SLC35F5: variants seen among roughly 807,000 people sequenced by gnomAD.
SLC35F5 encodes solute carrier family 35 member F5, also known as HCV NS5A-transactivated protein 3.
A neutral mutation model predicts 68.6 loss-of-function variants in SLC35F5; 54 were observed. The observed-to-expected ratio is 0.79, with a 90% CI of 0.63 to 0.99. The LOEUF (loss-of-function observed/expected upper bound fraction) is 0.99, where lower values mean the gene tolerates loss of function less well. Among genes scored for constraint, SLC35F5 ranks in the 50% least tolerant of loss-of-function variants. The pLI, the probability that SLC35F5 is intolerant of heterozygous loss-of-function variation, is 0.00. For synonymous variants in SLC35F5, 211 were observed against 205.2 expected, an observed-to-expected ratio of 1.03 and a Z score of -0.24; for missense variants, 567 against 626.9, an observed-to-expected ratio of 0.90 and a Z score of 1.02.
At chr2:113,745,367 C>T (rs1676445955) in intron 5 of SLC35F5, among the ~76,000 whole-genome samples, 2 of 152,152 alleles carry the variant, frequency 1.3e-5, no homozygotes, top group Admixed American at 1.3e-4. Context: ...TGAATAAGGT[C>T]ACCAAGCCAG....
In SLC35F5 at chr2:113,742,795, G is replaced by C; in HGVS notation, c.647C>G (p.Ser216Cys). ...TTCTTTCACAGGATATGACATGCGA[G>C]ACAACTTTGCTTCCAATGCATGACT... is the stretch of plus-strand genomic sequence containing the variant. ...PSSHALEAKL[S>C]RMSYPVKEQE... The change falls in exon 7 of 16, where the codon TCT becomes TGT. Residue 216 changes from serine to cysteine, a missense_variant. By Grantham distance (112) the Ser-to-Cys change is moderately radical. Transcript: ENST00000245680. 2 of 1,614,110 alleles carry C rather than the reference G, an allele frequency of 1.2e-6. No individual in the cohort carries two copies. Among genetic ancestry groups the C allele is most frequent in the Non-Finnish European group, 1.7e-6 (2 of 1,180,004 alleles).
rs1676923909 is a variant in SLC35F5 at position 113,755,243 on chromosome 2, C to T, written c.195G>A (p.Gln65=). Residue 65 remains glutamine (Q), a synonymous_variant, in exon 3 of 16, where the codon CAG becomes CAA. Transcript: ENST00000245680. The stretch of plus-strand genomic sequence containing the variant: ...CAATCCCAAGAGCCATTCGCCTGCG[C>T]TGAGTGAAACCACTGTTCTGGGAAT... ...RMNSQNSGFT[Q]RRRMALGIVI... 6.2e-7 allele frequency: 1 copy of T among 1,614,032 alleles called. No homozygotes were observed. The highest frequency in any genetic ancestry group is 1.7e-5 in the Admixed American group (1 of 60,002).
chr2:113,730,847 G>T (rs1489714667), intron 10 of SLC35F5, among the ~76,000 whole-genome samples: 1 of 152,158 alleles, frequency 6.6e-6, no homozygotes, highest in African/African-American at 2.4e-5. Context: ...GGCAATATTC[G>T]TGGGTGAAGA....
intron 12 of SLC35F5, among the ~76,000 whole-genome samples, chr2:113,723,860 T>C (rs937710574): frequency 5.3e-5 from 8 of 152,296 alleles, no homozygotes; most frequent in African/African-American, 1.9e-4. Flanking sequence ...TTTTGTTGAA[T>C]TGAAAGAAAA....
intron 7 of SLC35F5, among the ~76,000 whole-genome samples, chr2:113,737,247 T>C (rs1688128446): frequency 6.6e-6 from 1 of 152,220 alleles, no homozygotes; most frequent in African/African-American, 2.4e-5. Flanking sequence ...GACACATGAT[T>C]GTAGAGCACT....
At position 113,756,156 on chromosome 2, in the gene SLC35F5, G is replaced by A. The variant is rs575856779; in HGVS notation, c.40+214C>T. The A allele has an allele frequency of 1.3e-5, 19 of 1,450,070 alleles. 1 individual carries two copies. In the Admixed American group the frequency reaches 3.5e-4, roughly 26 times the overall value. The allele number at this position is 1,450,070 out of a possible 1,614,324, so 89.8% of individuals were successfully genotyped here. The stretch of plus-strand genomic sequence containing the variant: ...GGCAGCGACGCCTCCCCGGGGAGCC[G>A]AGGCGAGGGCGCACGCACGGCTTCC... On this transcript the variant is annotated intron_variant, in intron 1 of 15. Coordinates refer to ENST00000245680, the MANE Select transcript of SLC35F5 (RefSeq NM_025181.5).
chr2:113,719,194 T>C lies in SLC35F5; in HGVS notation c.1456A>G (p.Arg486Gly). ...TTTCTGCATATAAAAGCAAATATTC[T>C]TCTGATTCCCACCATCACAGGATCC... ...NWDPVMVGIR[R>G]IFAFICRKHR... Residue 486 changes from arginine to glycine, a missense_variant, in exon 14 of 16, where the codon AGA becomes GGA. By Grantham distance (125) the Arg-to-Gly change is moderately radical. Transcript: ENST00000245680. 1.2e-6 allele frequency: 2 copies of C among 1,607,504 alleles called. No individual in the cohort carries two copies. Among genetic ancestry groups the C allele is most frequent in the South Asian group, 1.1e-5 (1 of 89,542 alleles).
At chr2:113,730,308 G>T (rs1374037595) in intron 10 of SLC35F5, among the ~76,000 whole-genome samples, 1 of 152,100 alleles carries the variant, frequency 6.6e-6, no homozygotes. Flanking sequence ...CTGCCAAGTG[G>T]TCATATTCAA....
chr2:113,755,580 G>C (rs765020368), intron 1 of SLC35F5, 36 bp from the exon 2 acceptor site: 1 of 1,557,910 alleles, frequency 6.4e-7, no homozygotes, highest in Non-Finnish European at 8.8e-7. Flanking sequence ...ATGAAAACGT[G>C]AATAACTCAA....
At chr2:113,706,021 A>G (rs570071030), downstream of SLC35F5, among the ~76,000 whole-genome samples, 1 of 152,326 alleles carries the variant, frequency 6.6e-6, no homozygotes, top group South Asian at 2.1e-4. Context: ...TGACATGGAT[A>G]AAGGTGATCT....
intron 4 of SLC35F5, 94 bp from the exon 5 acceptor site, chr2:113,746,433 C>T: frequency 1.1e-6 from 1 of 916,526 alleles, no homozygotes; most frequent in South Asian, 1.3e-5. Flanking sequence ...AGCAAAAATC[C>T]AGAATCAACC....
At chr2:113,754,191 G>A (rs867715193) in intron 3 of SLC35F5, among the ~76,000 whole-genome samples, 12 of 151,720 alleles carry the variant, frequency 7.9e-5, no homozygotes, top group Middle Eastern at 3.2e-3. Context: ...TCAGGGGGCC[G>A]GGGCAGGAGA....
At chr2:113,747,585 AT>A (rs1393521822) in intron 4 of SLC35F5, among the ~76,000 whole-genome samples, 1 of 152,218 alleles carries the variant, frequency 6.6e-6, no homozygotes, top group Non-Finnish European at 1.5e-5. Flanking sequence ...TTCCCAAAAA[AT>A]ATATGAAAAA....
chr2:113,752,780 C>T (rs1322621756), intron 3 of SLC35F5, among the ~76,000 whole-genome samples: 3 of 151,836 alleles, frequency 2.0e-5, no homozygotes, highest in Non-Finnish European at 2.9e-5. Context: ...TTGACACCAC[C>T]GGAGAAAACT....
intron 7 of SLC35F5, among the ~76,000 whole-genome samples, chr2:113,737,565 T>G (rs146262431): frequency 6.6e-6 from 1 of 152,346 alleles, no homozygotes; most frequent in Non-Finnish European, 1.5e-5. Flanking sequence ...GAGTGATTAT[T>G]AGCTTTCTTG....
chr2:113,731,674 T>C (rs369175447), intron 9 of SLC35F5, 26 bp from the exon 10 acceptor site: 8 of 1,568,928 alleles, frequency 5.1e-6, no homozygotes, highest in Non-Finnish European at 7.0e-6. Flanking sequence ...TCATTAATGA[T>C]GAGCTAAAGA....
rs1279148885 is a variant in SLC35F5, at chr2:113,723,049, GGTTT to G, written c.1341+51_1341+54del. On this transcript the variant is annotated intron_variant, in intron 13 of 15. Transcript: ENST00000245680. ...TTTAATCACATCTCAACTTTCATTA[GGTTT>G]GTTTTAATAACACACCTAAAATATC... 6.1e-5 allele frequency: 74 copies of G among 1,211,866 alleles called. 1 individual carries two copies. The East Asian group carries it at 1.7e-3, about 28-fold the overall frequency. 75.1% of individuals were successfully genotyped at this position (1,211,866 alleles called of 1,614,324 possible). A position where few individuals can be genotyped will look rare whatever the true frequency, so the allele number is the denominator to read the frequency against.
At chr2:113,730,841 A>G (rs1687854547) in intron 10 of SLC35F5, among the ~76,000 whole-genome samples, 1 of 152,222 alleles carries the variant, frequency 6.6e-6, no homozygotes, top group Admixed American at 6.5e-5. Context: ...GTAAATGGCA[A>G]TATTCGTGGG....
rs1686967380 is a variant in SLC35F5 at position 113,711,040 on chromosome 2, T to A, written c.*4178A>T. Among the ~76,000 whole-genome samples, 1 of 152,208 alleles carries A rather than the reference T, an allele frequency of 6.6e-6. No individual in the cohort carries two copies. The highest frequency in any genetic ancestry group is 2.1e-4 in the South Asian group (1 of 4,830). ...ATTAAATTTAAAACTAAAAATTTCA[T>A]GAAGTGACCTGTTAAGAGTTTCAAT... On this transcript the variant is annotated 3_prime_UTR_variant, in exon 16 of 16. Coordinates refer to ENST00000245680, the MANE Select transcript of SLC35F5 (RefSeq NM_025181.5).
Sources: gnomAD v4.1 joint callset for allele counts (sites outside exome capture counted in the v4.1 genomes callset) on GRCh38, gnomAD v4.1.1 for gene constraint, MANE v1.5 for transcripts, NCBI Gene and HGNC (gene_info 2026-07-23, HGNC 2026-07-21) for gene names.